The following NRG2 variants were observed in gnomAD, a reference collection of about 807,000 sequenced individuals.
The protein encoded by NRG2 is pro-neuregulin-2, membrane-bound isoform.
A neutral mutation model predicts 73.9 loss-of-function variants in NRG2; 27 were observed. That is an observed-to-expected ratio of 0.37 (90% CI 0.27 to 0.50). NRG2 has a LOEUF of 0.50. Ranked by LOEUF, NRG2 falls within the 20% of genes least tolerant of loss-of-function variation. The pLI is 0.96. For synonymous variants in NRG2, 532 were observed against 541.0 expected, an observed-to-expected ratio of 0.98 and a Z score of 0.23; for missense variants, 1,126 against 1,210.1, an observed-to-expected ratio of 0.93 and a Z score of 1.03.
At chr5:139,900,036 C>T (rs1265752092) in intron 1 of NRG2, among the ~76,000 whole-genome samples, 1 of 152,196 alleles carries the variant, frequency 6.6e-6, no homozygotes, top group African/African-American at 2.4e-5. Context: ...GTCTCCCTGT[C>T]TCCCATGCAA....
At chr5:139,932,128 G>C (rs1420694416) in intron 1 of NRG2, among the ~76,000 whole-genome samples, 1 of 151,928 alleles carries the variant, frequency 6.6e-6, no homozygotes, top group Non-Finnish European at 1.5e-5. Context: ...ATAAAGATCT[G>C]CACTCCCATG....
At chr5:140,012,664 C>T (rs1759453808) in intron 1 of NRG2, among the ~76,000 whole-genome samples, 1 of 152,186 alleles carries the variant, frequency 6.6e-6, no homozygotes, top group South Asian at 2.1e-4. Context: ...AGCTTACACC[C>T]TCTACTGTTT....
intron 1 of NRG2, among the ~76,000 whole-genome samples, chr5:139,989,690 C>G (rs1156669137): frequency 1.3e-5 from 2 of 151,754 alleles, no homozygotes; most frequent in Non-Finnish European, 2.9e-5. Context: ...GTGTAATATT[C>G]CACTGTAGTT....
At chr5:139,935,958 T>TA (rs554574182) in intron 1 of NRG2, among the ~76,000 whole-genome samples, 2,638 of 122,204 alleles carry the variant, frequency 0.022, 70 homozygotes, top group African/African-American at 0.068. Context: ...GACTCTGTCT[T>TA]AAAAAAAAAA....
chr5:139,904,343 T>A lies in NRG2; in HGVS notation c.701-16832A>T, dbSNP rs1486329094. On this transcript the variant is annotated intron_variant, in intron 1 of 9. Coordinates refer to ENST00000361474, the MANE Select transcript of NRG2 (RefSeq NM_004883.3). The surrounding 1 kb of genome is among the most constrained non-coding windows in gnomAD (Gnocchi z 6.0). ...GGATCGGGCTCCCTCTCCCGCTTCC[T>A]CCCCTCTGGGTGCTTCTTGCCGCGG... The A allele has an allele frequency of 2.5e-5, 40 of 1,592,576 alleles. No individual in the cohort carries two copies. Among genetic ancestry groups the A allele is most frequent in the Non-Finnish European group, 3.3e-5 (39 of 1,177,632 alleles).
At chr5:140,030,241 C>A (rs1372980271) in intron 1 of NRG2, among the ~76,000 whole-genome samples, 3 of 152,182 alleles carry the variant, frequency 2.0e-5, no homozygotes, top group Admixed American at 2.0e-4. Context: ...TGGTTCATGA[C>A]CTTGACCCAA....
chr5:139,939,263 T>TC (rs1753203914), intron 1 of NRG2, among the ~76,000 whole-genome samples: 1 of 140,176 alleles, frequency 7.1e-6, no homozygotes, highest in Non-Finnish European at 1.5e-5. Context: ...TTTCTTTCTT[T>TC]TTCTTTCTTT....
rs148292112 is a variant in NRG2 at position 139,919,028 on chromosome 5, T to C, written c.701-31517A>G. ...GAATAAAGAAGTAAAAAAGTTTTGC[T>C]TAAATCTAGCCATGCCTGACTGCAG... On this transcript the variant is annotated intron_variant, in intron 1 of 9. Transcript: ENST00000361474. 8.8e-4 allele frequency among the ~76,000 whole-genome samples: 134 copies of C among 152,316 alleles called. 1 individual carries two copies. The highest frequency in any genetic ancestry group is 2.8e-3 in the African/African-American group (118 of 41,562).
chr5:140,010,998 T>A (rs1470176726), intron 1 of NRG2, among the ~76,000 whole-genome samples: 1 of 152,214 alleles, frequency 6.6e-6, no homozygotes, highest in Admixed American at 6.5e-5. Flanking sequence ...TAGAGGGTTC[T>A]CCTGGCTCCC....
chr5:139,974,153 G>A lies in NRG2; in HGVS notation c.700+68217C>T, dbSNP rs545728328. Among the ~76,000 whole-genome samples the A allele has an allele frequency of 8.5e-5, 13 of 152,052 alleles. No individual in the cohort carries two copies. The South Asian group carries it at 2.7e-3, about 32-fold the overall frequency. On this transcript the variant is annotated intron_variant, in intron 1 of 9. Coordinates refer to ENST00000361474, the MANE Select transcript of NRG2 (RefSeq NM_004883.3). ...TCTGGAGATAAAAATGTTTCATTCA[G>A]GTAAAATAATCCAATAGCTTAGAAA...
chr5:140,024,758 C>G (rs1008289029), intron 1 of NRG2, among the ~76,000 whole-genome samples: 2 of 152,086 alleles, frequency 1.3e-5, no homozygotes, highest in African/African-American at 2.4e-5. Context: ...GGAAGCGGCT[C>G]GGGTTTGAGA....
At chr5:139,871,635 A>G in intron 4 of NRG2, 86 bp downstream of exon 4, 2 of 1,554,398 alleles carry the variant, frequency 1.3e-6, no homozygotes, top group Non-Finnish European at 8.8e-7. Context: ...GTGGCTTGGA[A>G]CCCTCTTTTC....
chr5:139,892,031 C>T (rs1764243306), intron 1 of NRG2, among the ~76,000 whole-genome samples: 1 of 152,216 alleles, frequency 6.6e-6, no homozygotes, highest in African/African-American at 2.4e-5. Flanking sequence ...AGCCATGCCT[C>T]CTGCTCTAGC....
intron 1 of NRG2, among the ~76,000 whole-genome samples, chr5:139,891,675 T>C (rs955539695): frequency 6.6e-6 from 1 of 151,024 alleles, no homozygotes; most frequent in Non-Finnish European, 1.5e-5. Flanking sequence ...GGGAATGAGC[T>C]TGATGAGTTC....
chr5:139,961,340 AGT>A (rs1416738428), intron 1 of NRG2, among the ~76,000 whole-genome samples: 2 of 151,620 alleles, frequency 1.3e-5, no homozygotes, highest in African/African-American at 4.9e-5. Flanking sequence ...TGAGAATTTC[AGT>A]GCCCCTCACC....
intron 1 of NRG2, among the ~76,000 whole-genome samples, chr5:139,956,141 T>A (rs1164856535): frequency 6.6e-6 from 1 of 151,876 alleles, no homozygotes; most frequent in Non-Finnish European, 1.5e-5. Context: ...GGTCAGCAAC[T>A]CCCCCACCCC....
intron 1 of NRG2, among the ~76,000 whole-genome samples, chr5:139,938,040 C>T (rs1368691418): frequency 6.6e-6 from 1 of 152,176 alleles, no homozygotes; most frequent in African/African-American, 2.4e-5. Flanking sequence ...GATTGTGCCT[C>T]TGCACTCCAG....
chr5:139,925,589 C>G (rs1359695210), intron 1 of NRG2, among the ~76,000 whole-genome samples: 12 of 152,208 alleles, frequency 7.9e-5, no homozygotes. Flanking sequence ...ACTAAAAGCT[C>G]CCTCCAGAGG....
chr5:140,003,130 A>T (rs1332554826), intron 1 of NRG2, among the ~76,000 whole-genome samples: 2 of 152,176 alleles, frequency 1.3e-5, no homozygotes, highest in Admixed American at 6.5e-5. Context: ...TCATAAATTG[A>T]CCAATATAGA....
Sources: allele counts gnomAD v4.1 joint callset (sites outside exome capture counted in the v4.1 genomes callset), GRCh38; gene constraint gnomAD v4.1.1; non-coding constraint Gnocchi (gnomAD v3.1); transcripts MANE v1.5; gene names NCBI Gene and HGNC (gene_info 2026-07-23, HGNC 2026-07-21).